UTRN: variants seen among roughly 807,000 people sequenced by gnomAD.
UTRN encodes the protein dystrophin-related protein 1.
Under a neutral mutation model 463.9 loss-of-function variants are expected in UTRN, and 283 were observed. The ratio of observed to expected loss-of-function variants is 0.61; its 90% CI spans 0.55 to 0.67. UTRN has a LOEUF of 0.67. UTRN is among the 30% of genes least tolerant of loss of function. The probability of loss-of-function intolerance (pLI) is 0.00; values close to 1 mark genes in which losing one functional copy is unlikely to be tolerated. For missense variants in UTRN, 3,922 were observed against 4,084.3 expected (o/e 0.96, Z 1.08); for synonymous variants, 1,442 against 1,431.5 (o/e 1.01, Z -0.17).
chr6:144,286,851 C>T lies in UTRN; in HGVS notation c.-93+1030C>T, dbSNP rs574792364. 2.0e-5 allele frequency among the ~76,000 whole-genome samples: 3 copies of T among 152,252 alleles called. No individual in the cohort carries two copies. In the South Asian group the frequency reaches 6.2e-4, roughly 32 times the overall value. On this transcript the variant is annotated intron_variant, in intron 1 of 74. Transcript: ENST00000367545. The surrounding 1 kb of genome is among the most constrained non-coding windows in gnomAD (Gnocchi z 4.4). ...GGTTCTAACTCCACGGCCCCGCTCTCTGAGGTGTTCAGGACAGGGCCTCCT... is the reference window on the plus strand; with the variant it reads ...GGTTCTAACTCCACGGCCCCGCTCTTTGAGGTGTTCAGGACAGGGCCTCCT...
intron 2 of UTRN, among the ~76,000 whole-genome samples, chr6:144,396,986 C>A (rs992497394): frequency 6.6e-6 from 1 of 152,202 alleles, no homozygotes; most frequent in Non-Finnish European, 1.5e-5. Flanking sequence ...TGGCTCATGC[C>A]TGTAATCCCA....
intron 1 of UTRN, among the ~76,000 whole-genome samples, chr6:144,287,202 G>T (rs968681959): frequency 2.6e-5 from 4 of 152,210 alleles, no homozygotes; most frequent in Non-Finnish European, 4.4e-5. Context: ...TAGTTCTGCG[G>T]TGACGGACAG....
intron 51 of UTRN, among the ~76,000 whole-genome samples, chr6:144,602,686 A>G (rs1028342569): frequency 3.0e-4 from 45 of 152,300 alleles, no homozygotes; most frequent in African/African-American, 1.0e-3. Flanking sequence ...CCACCATGCA[A>G]TTCCAAAACA....
chr6:144,496,438 T>C (rs1469551984), intron 33 of UTRN, among the ~76,000 whole-genome samples: 1 of 152,208 alleles, frequency 6.6e-6, no homozygotes, highest in East Asian at 1.9e-4. Context: ...TTTTTGGAAT[T>C]ATACAGCTGG....
intron 56 of UTRN, 48 bp from the exon 57 acceptor site, chr6:144,754,672 G>A: frequency 6.4e-7 from 1 of 1,568,006 alleles, no homozygotes; most frequent in Non-Finnish European, 8.7e-7. Flanking sequence ...TAAAGTTATT[G>A]TTTCGGAATC....
chr6:144,338,715 A>T (rs950807987), intron 2 of UTRN, among the ~76,000 whole-genome samples: 21 of 152,286 alleles, frequency 1.4e-4, no homozygotes, highest in South Asian at 1.0e-3. Flanking sequence ...CCAGGAGACC[A>T]GGTAGAAGAT....
In UTRN at chr6:144,748,346, C is replaced by T; in HGVS notation, c.8040C>T (p.Ser2680=). 6.2e-7 allele frequency: 1 copy of T among 1,613,670 alleles called. No individual in the cohort carries two copies. The highest frequency in any genetic ancestry group is 1.1e-5 in the South Asian group (1 of 91,080). Residue 2680 remains serine (S), a synonymous_variant, in exon 55 of 75, where the codon AGC becomes AGT. Transcript: ENST00000367545. Reference sequence around the variant, plus strand: ...GGGAAAGTCTAAATGCTGTAACTAGCAATTGGCAAAAGCAAGTGGACAAGG... The same window carrying T: ...GGGAAAGTCTAAATGCTGTAACTAGTAATTGGCAAAAGCAAGTGGACAAGG... ...EKWESLNAVT[S]NWQKQVDKAL... is the part of the protein sequence containing the mutation.
intron 69 of UTRN, among the ~76,000 whole-genome samples, chr6:144,833,527 C>T (rs1215003306): frequency 1.3e-5 from 2 of 152,158 alleles, no homozygotes; most frequent in East Asian, 1.9e-4. Context: ...TTTATAGTTT[C>T]TATACTCAGA....
At chr6:144,437,147 G>T (rs1379660916) in intron 10 of UTRN, among the ~76,000 whole-genome samples, 1 of 151,820 alleles carries the variant, frequency 6.6e-6, no homozygotes, top group Non-Finnish European at 1.5e-5. Flanking sequence ...TAGAGACGGG[G>T]TTTCACCTTG....
At chr6:144,334,760 A>C (rs1311169089) in intron 2 of UTRN, among the ~76,000 whole-genome samples, 1 of 152,218 alleles carries the variant, frequency 6.6e-6, no homozygotes, top group Non-Finnish European at 1.5e-5. Flanking sequence ...GCTGCTTTGC[A>C]AGATGCATGC....
chr6:144,477,687 G>A (rs934931189), intron 25 of UTRN, among the ~76,000 whole-genome samples: 3 of 151,956 alleles, frequency 2.0e-5, no homozygotes, highest in African/African-American at 7.3e-5. Flanking sequence ...ACAATACTAT[G>A]ATCACACTTA....
chr6:144,373,698 T>A (rs1486016311), intron 2 of UTRN, among the ~76,000 whole-genome samples: 1 of 152,114 alleles, frequency 6.6e-6, no homozygotes, highest in East Asian at 1.9e-4. Flanking sequence ...TGACAAAAAA[T>A]AGGATAATAG....
intron 52 of UTRN, among the ~76,000 whole-genome samples, chr6:144,688,760 G>T (rs1458674079): frequency 6.6e-6 from 1 of 152,154 alleles, no homozygotes. Context: ...AATGGCAGTG[G>T]TCTCTTGAAG....
intron 51 of UTRN, among the ~76,000 whole-genome samples, chr6:144,630,358 T>C (rs1776381446): frequency 6.6e-6 from 1 of 152,184 alleles, no homozygotes; most frequent in African/African-American, 2.4e-5. Flanking sequence ...TACCTGACAC[T>C]GGGTGATTTA....
At chr6:144,504,970 T>A (rs1271018658) in intron 34 of UTRN, among the ~76,000 whole-genome samples, 1 of 152,216 alleles carries the variant, frequency 6.6e-6, no homozygotes, top group Non-Finnish European at 1.5e-5. Context: ...ATTCAACTTC[T>A]TCCTGGTTTA....
chr6:144,482,394 CTAT>C lies in UTRN; in HGVS notation c.3687+17_3687+19del, dbSNP rs771634141. ...GAAAGTGCCACACGCTAGAGGTATGCTATTATTATTATTGTTGTTATTATTATT... is the reference window on the plus strand; with the variant it reads ...GAAAGTGCCACACGCTAGAGGTATGCTATTATTATTGTTGTTATTATTATT... On this transcript the variant is annotated splice_region_variant and intron_variant, in intron 27 of 74. Coordinates refer to ENST00000367545, the MANE Select transcript of UTRN (RefSeq NM_007124.3). 2.1e-5 allele frequency: 30 copies of C among 1,423,206 alleles called. No homozygotes were observed. The East Asian group carries it at 2.4e-4, about 11-fold the overall frequency. 88.2% of individuals were successfully genotyped at this position (1,423,206 alleles called of 1,614,324 possible). A position where few individuals can be genotyped will look rare whatever the true frequency, so the allele number is the denominator to read the frequency against.
intron 51 of UTRN, among the ~76,000 whole-genome samples, chr6:144,657,159 A>G (rs1332035508): frequency 1.3e-5 from 2 of 148,970 alleles, no homozygotes; most frequent in Admixed American, 1.4e-4. Context: ...CTGAGGCAGG[A>G]GAATCGCTTG....
At chr6:144,376,453 C>CA (rs745601567) in intron 2 of UTRN, among the ~76,000 whole-genome samples, 6,359 of 114,494 alleles carry the variant, frequency 0.056, 375 homozygotes, top group African/African-American at 0.17. Context: ...CACTCTGTCT[C>CA]AAAAAAAAAA....
chr6:144,627,162 G>T (rs1271642066), intron 51 of UTRN, among the ~76,000 whole-genome samples: 1 of 150,844 alleles, frequency 6.6e-6, no homozygotes, highest in Non-Finnish European at 1.5e-5. Flanking sequence ...AATGGGATAG[G>T]AGGGTGGGGT....
Sources: gnomAD v4.1 joint callset for allele counts (sites outside exome capture counted in the v4.1 genomes callset) on GRCh38, gnomAD v4.1.1 for gene constraint, Gnocchi (gnomAD v3.1) non-coding constraint, MANE v1.5 for transcripts, NCBI Gene and HGNC (gene_info 2026-07-23, HGNC 2026-07-21) for gene names.